RFX3: variants seen among roughly 807,000 people sequenced by gnomAD.
RFX3 encodes regulatory factor X3.
In RFX3, 14 loss-of-function variants were observed where a neutral mutation model predicts 98.6. That is an observed-to-expected ratio of 0.14 (90% CI 0.09 to 0.22). The LOEUF (loss-of-function observed/expected upper bound fraction) is 0.22, where lower values mean the gene tolerates loss of function less well. Among genes scored for constraint, RFX3 ranks in the 10% least tolerant of loss-of-function variants. The pLI is 1.00. For synonymous variants in RFX3, 383 were observed against 328.4 expected (o/e 1.17, Z -1.80); for missense variants, 639 against 926.9 (o/e 0.69, Z 4.03).
intron 1 of RFX3, among the ~76,000 whole-genome samples, chr9:3,508,796 C>G (rs1817376195): frequency 2.0e-5 from 3 of 151,930 alleles, no homozygotes; most frequent in Admixed American, 6.6e-5. Flanking sequence ...CAGAGAGCAT[C>G]AGGTTACATT....
intron 2 of RFX3, among the ~76,000 whole-genome samples, chr9:3,371,072 G>C (rs1187566696): frequency 2.0e-5 from 3 of 152,024 alleles, no homozygotes; most frequent in Non-Finnish European, 2.9e-5. Context: ...GACTAATTAG[G>C]AGTAAAGTCA....
intron 2 of RFX3, among the ~76,000 whole-genome samples, chr9:3,362,673 A>C (rs1387878843): frequency 6.6e-6 from 1 of 152,226 alleles, no homozygotes; most frequent in Admixed American, 6.5e-5. Flanking sequence ...CTTCTTGAGA[A>C]GAATAATATG....
intron 14 of RFX3, among the ~76,000 whole-genome samples, chr9:3,256,426 T>C (rs1372461122): frequency 2.0e-5 from 3 of 151,982 alleles, no homozygotes; most frequent in Admixed American, 2.0e-4. Flanking sequence ...AAATAGATGG[T>C]TCTGGGTATG....
intron 3 of RFX3, among the ~76,000 whole-genome samples, chr9:3,345,272 A>G (rs1319454998): frequency 6.6e-6 from 1 of 152,216 alleles, no homozygotes; most frequent in Non-Finnish European, 1.5e-5. Flanking sequence ...CTATTTCAGC[A>G]GAGAAAACGG....
At chr9:3,316,609 T>C (rs981436263) in intron 4 of RFX3, among the ~76,000 whole-genome samples, 2 of 152,176 alleles carry the variant, frequency 1.3e-5, no homozygotes, top group African/African-American at 4.8e-5. Context: ...GATGACATGA[T>C]TGTATATTTA....
At chr9:3,362,722 T>C (rs1035370760) in intron 2 of RFX3, among the ~76,000 whole-genome samples, 1 of 152,194 alleles carries the variant, frequency 6.6e-6, no homozygotes, top group Non-Finnish European at 1.5e-5. Flanking sequence ...TCTCTTGACC[T>C]TGTGACCATC....
intron 1 of RFX3, among the ~76,000 whole-genome samples, chr9:3,518,593 T>C (rs977454184): frequency 6.6e-6 from 1 of 152,334 alleles, no homozygotes; most frequent in East Asian, 1.9e-4. Flanking sequence ...GGACTGTTTA[T>C]AGATCACTCT....
intron 9 of RFX3, among the ~76,000 whole-genome samples, chr9:3,274,877 T>C (rs1259908150): frequency 6.6e-6 from 1 of 152,014 alleles, no homozygotes; most frequent in Non-Finnish European, 1.5e-5. Context: ...TATCCATACA[T>C]ATGGATATAT....
chr9:3,237,717 GA>G (rs1322730144), intron 15 of RFX3, among the ~76,000 whole-genome samples: 1 of 152,124 alleles, frequency 6.6e-6, no homozygotes, highest in African/African-American at 2.4e-5. Context: ...TTGTTGAGGA[GA>G]AAACTAAGAC....
chr9:3,323,355 T>C (rs1354790348), intron 4 of RFX3, among the ~76,000 whole-genome samples: 3 of 152,206 alleles, frequency 2.0e-5, no homozygotes, highest in Non-Finnish European at 4.4e-5. Context: ...ATGTCACTCT[T>C]AGACTACAAT....
At chr9:3,370,690 A>C (rs950466685) in intron 2 of RFX3, among the ~76,000 whole-genome samples, 1 of 152,158 alleles carries the variant, frequency 6.6e-6, no homozygotes, top group African/African-American at 2.4e-5. Context: ...TTTACTGTAA[A>C]TAAATTATAG....
chr9:3,322,478 T>A (rs990661186), intron 4 of RFX3, among the ~76,000 whole-genome samples: 5 of 152,208 alleles, frequency 3.3e-5, no homozygotes, highest in African/African-American at 1.2e-4. Flanking sequence ...AGGCCTGTAA[T>A]CCCAGCACTT....
At chr9:3,481,559 G>A (rs1300420936) in intron 1 of RFX3, among the ~76,000 whole-genome samples, 1 of 150,814 alleles carries the variant, frequency 6.6e-6, no homozygotes, top group Non-Finnish European at 1.5e-5. Flanking sequence ...ATAATGTGGG[G>A]ACATCAACTG....
intron 1 of RFX3, chr9:3,490,167 G>C (rs1850623885): frequency 8.6e-6 from 2 of 233,338 alleles, no homozygotes; most frequent in Non-Finnish European, 1.4e-5. Context: ...TATGAAAAAA[G>C]AAAATTACTA....
chr9:3,442,784 G>A (rs945288621), intron 1 of RFX3, among the ~76,000 whole-genome samples: 26 of 152,094 alleles, frequency 1.7e-4, no homozygotes, highest in Non-Finnish European at 1.2e-4. Flanking sequence ...AAAACATAAA[G>A]CTTCTGGAAG....
chr9:3,497,430 G>A (rs1304994393), intron 1 of RFX3, among the ~76,000 whole-genome samples: 2 of 151,908 alleles, frequency 1.3e-5, no homozygotes, highest in African/African-American at 2.4e-5. Context: ...ATAACCTCGT[G>A]GTGAAACTTC....
chr9:3,475,261 G>A (rs1849133908), intron 1 of RFX3, among the ~76,000 whole-genome samples: 1 of 152,000 alleles, frequency 6.6e-6, no homozygotes, highest in Non-Finnish European at 1.5e-5. Context: ...CCCGTGTGCA[G>A]AGACGAGAGA....
chr9:3,434,107 A>C (rs190017596), intron 1 of RFX3, among the ~76,000 whole-genome samples: 105 of 152,284 alleles, frequency 6.9e-4, no homozygotes, highest in Non-Finnish European at 1.1e-3. Flanking sequence ...TAACAATCTC[A>C]TAGTTGACTG....
intron 7 of RFX3, among the ~76,000 whole-genome samples, chr9:3,286,102 GT>G (rs1826562772): frequency 6.6e-6 from 1 of 151,812 alleles, no homozygotes; most frequent in Non-Finnish European, 1.5e-5. Flanking sequence ...TCATACTTAA[GT>G]TTGAGTATAT....
Sources: allele counts gnomAD v4.1 joint callset (sites outside exome capture counted in the v4.1 genomes callset), GRCh38; gene constraint gnomAD v4.1.1; transcripts MANE v1.5; gene names NCBI Gene and HGNC (gene_info 2026-07-23, HGNC 2026-07-21).